The following PIBF1 variants were observed in gnomAD, a reference collection of about 807,000 sequenced individuals.
PIBF1 encodes progesterone-induced-blocking factor 1.
In PIBF1, 90 loss-of-function variants were observed where a neutral mutation model predicts 112.5. That is an observed-to-expected ratio of 0.80 (90% CI 0.67 to 0.95). The LOEUF (loss-of-function observed/expected upper bound fraction) is 0.95. Ranked by LOEUF, PIBF1 falls within the 40% of genes least tolerant of loss-of-function variation. PIBF1 has a pLI of 0.00. For missense variants in PIBF1, 915 were observed against 852.3 expected (o/e 1.07, Z -0.92); for synonymous variants, 301 against 288.6 (o/e 1.04, Z -0.44).
intron 9 of PIBF1, among the ~76,000 whole-genome samples, chr13:72,846,050 C>T (rs1236290139): frequency 2.0e-5 from 3 of 152,178 alleles, no homozygotes; most frequent in African/African-American, 7.2e-5. Flanking sequence ...TCCTCATTAG[C>T]TGCACCTACT....
chr13:72,887,726 C>T (rs2039910963), intron 10 of PIBF1, among the ~76,000 whole-genome samples: 1 of 151,940 alleles, frequency 6.6e-6, no homozygotes, highest in Non-Finnish European at 1.5e-5. Flanking sequence ...TCTCCTCTCA[C>T]CTCTCTTTTC....
chr13:72,897,553 C>G (rs2040327446), intron 11 of PIBF1, among the ~76,000 whole-genome samples: 1 of 152,148 alleles, frequency 6.6e-6, no homozygotes, highest in Non-Finnish European at 1.5e-5. Flanking sequence ...TGCAAACTAA[C>G]CATCTGCTGC....
chr13:72,818,396 C>G lies in PIBF1; in HGVS notation c.673-3453C>G, dbSNP rs182677040. On this transcript the variant is annotated intron_variant, in intron 5 of 17. Transcript: ENST00000326291. Reference sequence around the variant, plus strand: ...TGATTAATTCATCTATAGCCTTGGCCTTGAATTTTATTGATCTCATCTCTA... The same window carrying G: ...TGATTAATTCATCTATAGCCTTGGCGTTGAATTTTATTGATCTCATCTCTA... Among the ~76,000 whole-genome samples, 102 of 152,190 alleles carry G rather than the reference C, an allele frequency of 6.7e-4. No individual in the cohort carries two copies. The Middle Eastern group carries it at 0.01, about 15-fold the overall frequency.
At chr13:72,940,064 A>G (rs1304302827) in intron 14 of PIBF1, among the ~76,000 whole-genome samples, 5 of 152,104 alleles carry the variant, frequency 3.3e-5, no homozygotes, top group African/African-American at 9.7e-5. Context: ...CATCTTACAT[A>G]TGTGAGTTTA....
rs560111369 is a variant in PIBF1 at position 72,811,791 on chromosome 13, A to G, written c.673-10058A>G. On this transcript the variant is annotated intron_variant, in intron 5 of 17. Transcript: ENST00000326291. Reference sequence around the variant, plus strand: ...ACCTCTAAAAAATTGCTCCTTCACAAACCTGTTAAGTTTTTACAAATAATA... The same window carrying G: ...ACCTCTAAAAAATTGCTCCTTCACAGACCTGTTAAGTTTTTACAAATAATA... Among the ~76,000 whole-genome samples the G allele has an allele frequency of 2.0e-4, 31 of 152,236 alleles. No individual in the cohort carries two copies. The Middle Eastern group carries it at 0.017, about 84-fold the overall frequency.
chr13:72,977,531 G>A (rs1396140387), intron 16 of PIBF1, among the ~76,000 whole-genome samples: 1 of 152,112 alleles, frequency 6.6e-6, no homozygotes, highest in African/African-American at 2.4e-5. Flanking sequence ...TTTTAGCAGT[G>A]TCACTTAGTT....
chr13:72,958,282 C>T (rs888117550), intron 14 of PIBF1, among the ~76,000 whole-genome samples: 1 of 120,948 alleles, frequency 8.3e-6, no homozygotes, highest in Non-Finnish European at 1.7e-5. Flanking sequence ...TGCACTCCAA[C>T]CTGGATGACA....
chr13:72,890,828 A>G (rs1163486949), intron 10 of PIBF1, among the ~76,000 whole-genome samples: 1 of 152,150 alleles, frequency 6.6e-6, no homozygotes, highest in African/African-American at 2.4e-5. Flanking sequence ...TCACTGTTGG[A>G]GCTACTTTTG....
At chr13:73,007,682 G>A (rs917860241) in intron 17 of PIBF1, among the ~76,000 whole-genome samples, 2 of 151,926 alleles carry the variant, frequency 1.3e-5, no homozygotes, top group Admixed American at 6.6e-5. Context: ...GGTGGCGCAC[G>A]CCTGTAATCC....
chr13:72,958,985 C>T (rs1431344579), intron 14 of PIBF1, among the ~76,000 whole-genome samples: 1 of 151,998 alleles, frequency 6.6e-6, no homozygotes, highest in Admixed American at 6.6e-5. Context: ...CCAAAAATCA[C>T]TTATTTTTTG....
At position 72,953,068 on chromosome 13, in the gene PIBF1, G is replaced by A. The variant is rs544956948; in HGVS notation, c.1834-12206G>A. On this transcript the variant is annotated intron_variant, in intron 14 of 17. Coordinates refer to ENST00000326291, the MANE Select transcript of PIBF1 (RefSeq NM_006346.4). ...AGCAGCTGGGGAAGGTGTATGAAATGCACTGAGGTCTTTTCAGGGAGAAGG... is the reference window on the plus strand; with the variant it reads ...AGCAGCTGGGGAAGGTGTATGAAATACACTGAGGTCTTTTCAGGGAGAAGG... Among the ~76,000 whole-genome samples, 13 of 152,190 alleles carry A rather than the reference G, an allele frequency of 8.5e-5. No homozygotes were observed. In the South Asian group the frequency reaches 2.7e-3, roughly 32 times the overall value.
chr13:72,800,453 A>G (rs775192199), intron 5 of PIBF1, among the ~76,000 whole-genome samples: 5 of 152,230 alleles, frequency 3.3e-5, no homozygotes, highest in Non-Finnish European at 7.3e-5. Flanking sequence ...TATTTGAGGA[A>G]TTAAAAGACA....
chr13:72,788,613 A>G (rs1462616367), intron 2 of PIBF1, among the ~76,000 whole-genome samples: 2 of 152,248 alleles, frequency 1.3e-5, no homozygotes, highest in African/African-American at 2.4e-5. Context: ...AAAAGGGGGC[A>G]TGTGCCAAAT....
At chr13:72,819,805 A>T (rs1381588462) in intron 5 of PIBF1, among the ~76,000 whole-genome samples, 2 of 152,124 alleles carry the variant, frequency 1.3e-5, no homozygotes, top group Non-Finnish European at 2.9e-5. Context: ...GTTCTCGGTA[A>T]TATTTCTTAG....
intron 10 of PIBF1, among the ~76,000 whole-genome samples, chr13:72,893,409 C>T (rs2040137335): frequency 6.6e-6 from 1 of 151,896 alleles, no homozygotes; most frequent in Non-Finnish European, 1.5e-5. Flanking sequence ...ATTATTTAGA[C>T]TTAGGATGAA....
chr13:72,951,976 G>T (rs1262794087), intron 14 of PIBF1, among the ~76,000 whole-genome samples: 1 of 151,812 alleles, frequency 6.6e-6, no homozygotes, highest in Non-Finnish European at 1.5e-5. Context: ...CTCCCCAGGT[G>T]CATGAGCCAC....
At chr13:72,790,168 T>C (rs1295046000) in intron 2 of PIBF1, among the ~76,000 whole-genome samples, 1 of 152,130 alleles carries the variant, frequency 6.6e-6, no homozygotes, top group Non-Finnish European at 1.5e-5. Flanking sequence ...TGGCAAAGTT[T>C]AGCAGTTAAG....
At chr13:72,827,961 T>A in intron 8 of PIBF1, 47 bp downstream of exon 8, 1 of 1,369,404 alleles carries the variant, frequency 7.3e-7, no homozygotes. Context: ...AATTAACAGA[T>A]TTTCTTTGAG....
At chr13:73,008,122 C>T (rs1594361789) in intron 17 of PIBF1, among the ~76,000 whole-genome samples, 1 of 152,312 alleles carries the variant, frequency 6.6e-6, no homozygotes, top group East Asian at 1.9e-4. Flanking sequence ...CTCTGACATA[C>T]TCTATGCTAA....
Sources: gnomAD v4.1 joint callset for allele counts (sites outside exome capture counted in the v4.1 genomes callset) on GRCh38, gnomAD v4.1.1 for gene constraint, MANE v1.5 for transcripts, NCBI Gene and HGNC (gene_info 2026-07-23, HGNC 2026-07-21) for gene names.